ANTXR1: variants seen among roughly 807,000 people sequenced by gnomAD.
ANTXR1 encodes the protein anthrax toxin receptor 1.
A neutral mutation model predicts 78.1 loss-of-function variants in ANTXR1; 19 were observed. That is an observed-to-expected ratio of 0.24 (90% CI 0.17 to 0.36). ANTXR1 has a LOEUF of 0.36. Among genes scored for constraint, ANTXR1 ranks in the 10% least tolerant of loss-of-function variants. ANTXR1 has a pLI of 1.00. For synonymous variants in ANTXR1, 273 were observed against 260.5 expected, an observed-to-expected ratio of 1.05 and a Z score of -0.46; for missense variants, 518 against 718.6, an observed-to-expected ratio of 0.72 and a Z score of 3.19.
chr2:69,226,329 C>G (rs1675452023), intron 17 of ANTXR1, among the ~76,000 whole-genome samples: 1 of 152,128 alleles, frequency 6.6e-6, no homozygotes, highest in Non-Finnish European at 1.5e-5. Context: ...GGATCTAGCT[C>G]AGAGAGACTC....
At chr2:69,152,490 T>G (rs917799527) in intron 13 of ANTXR1, among the ~76,000 whole-genome samples, 3 of 152,180 alleles carry the variant, frequency 2.0e-5, no homozygotes, top group African/African-American at 7.2e-5. Flanking sequence ...CCGTGCCCCT[T>G]GGGTGGGGCA....
At position 69,181,831 on chromosome 2, in the gene ANTXR1, G is replaced by A; in HGVS notation, c.1135G>A (p.Asp379Asn). ...GCCTAAGAAAAAGTGGCCAACGGTA[G>A]ACGCCTCTTATTATGGTGGGAGAGG... The part of the protein sequence containing the change: ...GLPKKKWPTV[D>N]ASYYGGRGVG... Residue 379 changes from aspartate to asparagine, a missense_variant, in exon 15 of 18, where the codon GAC becomes AAC. This residue lies in a region of ANTXR1 where 264 missense variants were observed against 391.8 expected (regional missense o/e 0.67). Transcript: ENST00000303714. 1 of 1,614,192 alleles carries A rather than the reference G, an allele frequency of 6.2e-7. No individual in the cohort carries two copies. Among genetic ancestry groups the A allele is most frequent in the Non-Finnish European group, 8.5e-7 (1 of 1,180,022 alleles).
At chr2:69,072,944 G>T (rs953081739) in intron 5 of ANTXR1, 78 bp from the exon 6 acceptor site, 2 of 1,408,076 alleles carry the variant, frequency 1.4e-6, no homozygotes, top group Admixed American at 1.7e-5. Flanking sequence ...ACTCGTAAGA[G>T]GTTGAATCCT....
chr2:69,103,092 T>C, intron 10 of ANTXR1, 152 bp downstream of exon 10: 1 of 827,202 alleles, frequency 1.2e-6, no homozygotes, highest in Non-Finnish European at 2.0e-6. Flanking sequence ...TAGTGAGCCC[T>C]TACAGTGGTT....
chr2:69,086,062 A>G (rs1322937773), intron 8 of ANTXR1, among the ~76,000 whole-genome samples: 1 of 152,246 alleles, frequency 6.6e-6, no homozygotes, highest in Non-Finnish European at 1.5e-5. Context: ...AGCAAAAGAC[A>G]CCTATACCAT....
chr2:69,141,463 C>T (rs1444874880), intron 12 of ANTXR1, among the ~76,000 whole-genome samples: 1 of 152,112 alleles, frequency 6.6e-6, no homozygotes, highest in African/African-American at 2.4e-5. Flanking sequence ...GGGGCAAGAG[C>T]AGTTTTCAAA....
chr2:69,019,498 T>G (rs1248302499), intron 1 of ANTXR1, among the ~76,000 whole-genome samples: 3 of 152,206 alleles, frequency 2.0e-5, no homozygotes, highest in East Asian at 1.9e-4. Flanking sequence ...AATAACAATT[T>G]TATCTCCTCT....
chr2:69,149,727 T>C (rs1005280651), intron 12 of ANTXR1, among the ~76,000 whole-genome samples: 1 of 152,220 alleles, frequency 6.6e-6, no homozygotes, highest in East Asian at 1.9e-4. Flanking sequence ...CAAGATAGCT[T>C]ACATCATTTT....
At chr2:69,167,250 C>A (rs966011734) in intron 13 of ANTXR1, among the ~76,000 whole-genome samples, 1 of 152,210 alleles carries the variant, frequency 6.6e-6, no homozygotes, top group African/African-American at 2.4e-5. Context: ...CATGGGAAGC[C>A]ATTAGCAGGG....
At chr2:69,107,084 T>C (rs1671831800) in intron 10 of ANTXR1, among the ~76,000 whole-genome samples, 1 of 152,006 alleles carries the variant, frequency 6.6e-6, no homozygotes, top group Non-Finnish European at 1.5e-5. Context: ...AGGAAATATA[T>C]GAACGAGAAG....
At chr2:69,158,394 C>T (rs947189636) in intron 13 of ANTXR1, among the ~76,000 whole-genome samples, 1 of 152,194 alleles carries the variant, frequency 6.6e-6, no homozygotes, top group Non-Finnish European at 1.5e-5. Context: ...CAGTAGCATC[C>T]TGCACACCTT....
rs568822640 is a variant in ANTXR1 at position 69,183,586 on chromosome 2, T to G, written c.1353+926T>G. On this transcript the variant is annotated intron_variant, in intron 16 of 17. Transcript: ENST00000303714. ...CCAGCTAATTTTTGTTTTTTTTTTT[T>G]TTTTTTTTTTTTTGAGGGACGGATT... 1.3e-3 allele frequency among the ~76,000 whole-genome samples: 177 copies of G among 140,368 alleles called. 1 individual carries two copies. Among genetic ancestry groups the G allele is most frequent in the Middle Eastern group, 6.9e-3 (2 of 288 alleles). 92.1% of individuals were successfully genotyped at this position (140,368 alleles called of 152,430 possible).
Position 69,073,115 on chromosome 2 carries a change from T to A in ANTXR1, c.492+14T>A. 1 of 1,613,392 alleles carries A rather than the reference T, an allele frequency of 6.2e-7. No individual in the cohort carries two copies. Among genetic ancestry groups the A allele is most frequent in the Middle Eastern group, 1.7e-4 (1 of 6,050 alleles). On this transcript the variant is annotated intron_variant, in intron 6 of 17. Coordinates refer to ENST00000303714, the MANE Select transcript of ANTXR1 (RefSeq NM_032208.3). Reference sequence around the variant, plus strand: ...TCAGAGAGGGAGGTAAGCAACGGCCTGGCTGTGTCTAAACATATACATGGA... The same window carrying A: ...TCAGAGAGGGAGGTAAGCAACGGCCAGGCTGTGTCTAAACATATACATGGA...
chr2:69,234,988 C>CT (rs1440568435), intron 17 of ANTXR1, among the ~76,000 whole-genome samples: 2 of 99,226 alleles, frequency 2.0e-5, no homozygotes, highest in Non-Finnish European at 4.0e-5. Flanking sequence ...TATAACATAA[C>CT]TAAAAAAAAA....
intron 17 of ANTXR1, among the ~76,000 whole-genome samples, chr2:69,207,967 G>A (rs1674949660): frequency 6.6e-6 from 1 of 152,164 alleles, no homozygotes; most frequent in Admixed American, 6.5e-5. Context: ...TTGTGAGTAT[G>A]CAAAAATGGT....
chr2:69,245,591 A>G lies in ANTXR1; in HGVS notation c.*106A>G. On this transcript the variant is annotated 3_prime_UTR_variant, in exon 18 of 18. Coordinates refer to ENST00000303714, the MANE Select transcript of ANTXR1 (RefSeq NM_032208.3). ...GGTGATAAAGCCCACTGACCTTCAC[A>G]CATTCTAAAAATTGGTTGGCAATGC... The G allele has an allele frequency of 6.7e-7, 1 of 1,503,126 alleles. No individual in the cohort carries two copies. The highest frequency in any genetic ancestry group is 8.9e-7 in the Non-Finnish European group (1 of 1,119,146). 93.1% of individuals were successfully genotyped at this position (1,503,126 alleles called of 1,614,324 possible).
At chr2:69,161,363 C>T (rs911258657) in intron 13 of ANTXR1, among the ~76,000 whole-genome samples, 1 of 152,038 alleles carries the variant, frequency 6.6e-6, no homozygotes, top group African/African-American at 2.4e-5. Context: ...GATGAGAGAC[C>T]AAAAATCATT....
intron 1 of ANTXR1, among the ~76,000 whole-genome samples, chr2:69,014,504 G>A (rs1670964896): frequency 6.6e-6 from 1 of 152,166 alleles, no homozygotes; most frequent in Non-Finnish European, 1.5e-5. Context: ...TAGGCTTTAG[G>A]ATTTGCTCAA....
At chr2:69,053,002 T>C (rs1285497510) in intron 3 of ANTXR1, among the ~76,000 whole-genome samples, 4 of 152,214 alleles carry the variant, frequency 2.6e-5, no homozygotes, top group Non-Finnish European at 5.9e-5. Flanking sequence ...AGGTATGTCT[T>C]CAACATAAAT....
Sources: allele counts gnomAD v4.1 joint callset (sites outside exome capture counted in the v4.1 genomes callset), GRCh38; gene constraint gnomAD v4.1.1; regional missense constraint gnomAD v4.1.1; transcripts MANE v1.5; gene names NCBI Gene and HGNC (gene_info 2026-07-23, HGNC 2026-07-21).